The following IDE variants were observed in gnomAD, a reference collection of about 807,000 sequenced individuals.
IDE encodes the protein insulin degrading enzyme.
In IDE, 58 loss-of-function variants were observed where a neutral mutation model predicts 133.2. The observed-to-expected ratio is 0.44, with a 90% confidence interval of 0.35 to 0.54. The LOEUF is 0.54. Ranked by LOEUF, IDE falls within the 20% of genes least tolerant of loss-of-function variation. IDE has a pLI of 0.00. For synonymous variants in IDE, 396 were observed against 421.3 expected (o/e 0.94, Z 0.73); for missense variants, 981 against 1,234.0 (o/e 0.79, Z 3.07).
chr10:92,515,038 G>A lies in IDE; in HGVS notation c.666C>T (p.Asn222=). Reference sequence around the variant, plus strand: ...TTGGTCTAGTCTCCAGAGTATATTTGTTACCTGGAAGGGAAGAAAAGGGAT... The same window carrying A: ...TTGGTCTAGTCTCCAGAGTATATTTATTACCTGGAAGGGAAGAAAAGGGAT... ...KHPFSKFGTG[N]KYTLETRPNQ... The change falls in exon 5 of 25, where the codon AAC becomes AAT. Residue 222 remains asparagine, a synonymous_variant. Coordinates refer to ENST00000265986, the MANE Select transcript of IDE (RefSeq NM_004969.4). 6.3e-7 allele frequency: 1 copy of A among 1,590,198 alleles called. No homozygotes were observed. The highest frequency in any genetic ancestry group is 8.5e-7 in the Non-Finnish European group (1 of 1,170,142).
At chr10:92,560,899 C>T (rs371288274) in intron 1 of IDE, among the ~76,000 whole-genome samples, 18 of 152,282 alleles carry the variant, frequency 1.2e-4, no homozygotes, top group African/African-American at 4.3e-4. Context: ...CTCTTCCACA[C>T]CCACCACCTT....
chr10:92,465,052 G>C (rs890402775), intron 20 of IDE, among the ~76,000 whole-genome samples: 2 of 152,136 alleles, frequency 1.3e-5, no homozygotes, highest in Non-Finnish European at 2.9e-5. Context: ...ATTTGACTGT[G>C]AGCTCCTCGA....
At chr10:92,480,814 G>A (rs2135415473) in intron 14 of IDE, 3 of 277,766 alleles carry the variant, frequency 1.1e-5, no homozygotes, top group East Asian at 1.7e-4. Flanking sequence ...GGCTGGTCTC[G>A]AACTCCTAGG....
chr10:92,469,164 T>C (rs769246853), intron 18 of IDE, among the ~76,000 whole-genome samples, 174 bp from the exon 19 acceptor site: 1 of 152,148 alleles, frequency 6.6e-6, no homozygotes, highest in African/African-American at 2.4e-5. Context: ...ATAGAGTCAA[T>C]ATGGTAGTGG....
intron 11 of IDE, among the ~76,000 whole-genome samples, chr10:92,492,039 T>A (rs1752245081): frequency 6.6e-6 from 1 of 151,880 alleles, no homozygotes. Flanking sequence ...GGCGGGAAGA[T>A]CACGAGGTCA....
intron 21 of IDE, among the ~76,000 whole-genome samples, chr10:92,462,512 G>C (rs1845447887): frequency 6.6e-6 from 1 of 152,120 alleles, no homozygotes. Flanking sequence ...GGGAGGCTGA[G>C]GCAGAATTGC....
chr10:92,504,970 C>T, intron 10 of IDE, 73 bp from the exon 11 acceptor site: 1 of 718,138 alleles, frequency 1.4e-6, no homozygotes, highest in Non-Finnish European at 2.3e-6. Flanking sequence ...AGATCTGTAA[C>T]ACATTAAATT....
Position 92,562,450 on chromosome 10 carries a change from G to A in IDE, c.98+11472C>T, listed in dbSNP as rs537261497. 1.5e-4 allele frequency among the ~76,000 whole-genome samples: 23 copies of A among 152,330 alleles called. 1 individual carries two copies. Among genetic ancestry groups the A allele is most frequent in the Admixed American group, 1.4e-3 (21 of 15,298 alleles). The stretch of plus-strand genomic sequence containing the variant: ...CAAACTAACCAATTCAAGATAAAAA[G>A]AATAACCAAGTGTCAAGTCAGAGTG... On this transcript the variant is annotated intron_variant, in intron 1 of 24. Coordinates refer to ENST00000265986, the MANE Select transcript of IDE (RefSeq NM_004969.4).
intron 1 of IDE, among the ~76,000 whole-genome samples, chr10:92,563,413 T>C (rs767213332): frequency 8.0e-5 from 12 of 150,882 alleles, no homozygotes; most frequent in Admixed American, 6.6e-5. Flanking sequence ...GATTGCACCA[T>C]TGCACTCCAG....
chr10:92,515,140 A>T (rs1589454071), intron 4 of IDE, 98 bp from the exon 5 acceptor site: 2 of 958,910 alleles, frequency 2.1e-6, no homozygotes, highest in Non-Finnish European at 3.2e-6. Flanking sequence ...GAACTTTAAA[A>T]ATAAAGTTCT....
At position 92,474,832 on chromosome 10, in the gene IDE, A is replaced by C. The variant is rs374768926; in HGVS notation, c.2116+9T>G. ...AAGAAAGCATTAAGCTTTAAGTAGA[A>C]AGTCTCACCATCCAGAGCTTCTTTT... On this transcript the variant is annotated intron_variant, in intron 17 of 24. Transcript: ENST00000265986. 5.0e-6 allele frequency: 8 copies of C among 1,600,354 alleles called. No individual in the cohort carries two copies. In the African/African-American group the frequency reaches 1.1e-4, roughly 22 times the overall value.
chr10:92,458,507 T>C, intron 22 of IDE, among the ~76,000 whole-genome samples: 1 of 111,456 alleles, frequency 9.0e-6, no homozygotes, highest in Non-Finnish European at 2.0e-5. Context: ...TTTTTTTTTT[T>C]TTTTTTTTTT....
At chr10:92,466,363 C>T (rs1845687551) in intron 19 of IDE, among the ~76,000 whole-genome samples, 1 of 151,926 alleles carries the variant, frequency 6.6e-6, no homozygotes, top group African/African-American at 2.4e-5. Flanking sequence ...GTCACCCAGG[C>T]TGGAGTGAAG....
chr10:92,507,546 TAAG>T (rs780574539), intron 9 of IDE, 26 bp downstream of exon 9: 7 of 1,156,416 alleles, frequency 6.1e-6, no homozygotes, highest in Non-Finnish European at 9.2e-6. Context: ...ACAGATTCCT[TAAG>T]AAAAATTTTG....
intron 13 of IDE, among the ~76,000 whole-genome samples, chr10:92,485,587 C>T (rs1846941521): frequency 6.6e-6 from 1 of 152,162 alleles, no homozygotes; most frequent in Admixed American, 6.5e-5. Context: ...CCTTGAAACT[C>T]TGGGAAGAGA....
chr10:92,538,228 G>A (rs933948892), intron 1 of IDE, among the ~76,000 whole-genome samples: 1 of 152,146 alleles, frequency 6.6e-6, no homozygotes, highest in Non-Finnish European at 1.5e-5. Context: ...GAATAAGTGA[G>A]GTGAGATGTT....
At chr10:92,556,105 A>G (rs1269871547) in intron 1 of IDE, among the ~76,000 whole-genome samples, 8 of 140,958 alleles carry the variant, frequency 5.7e-5, no homozygotes, top group East Asian at 2.5e-4. Flanking sequence ...CCCGGGAAGC[A>G]GAGCTTGCAG....
intron 14 of IDE, among the ~76,000 whole-genome samples, chr10:92,482,087 A>G (rs1185611595): frequency 6.6e-6 from 1 of 152,214 alleles, no homozygotes; most frequent in East Asian, 1.9e-4. Flanking sequence ...TATAATCACT[A>G]TAATCTCAAC....
In IDE at chr10:92,508,906, C is replaced by T; in HGVS notation, c.898-16G>A. On this transcript the variant is annotated splice_polypyrimidine_tract_variant and intron_variant, in intron 6 of 24. Transcript: ENST00000265986. ...TGTAAAGTTGCTGGAGAAAACAAAT[C>T]ACAGAGATTAGCTATATACGACTCC... 6.3e-7 allele frequency: 1 copy of T among 1,598,842 alleles called. No individual in the cohort carries two copies. Among genetic ancestry groups the T allele is most frequent in the Non-Finnish European group, 8.6e-7 (1 of 1,166,492 alleles).
Sources: allele counts gnomAD v4.1 joint callset (sites outside exome capture counted in the v4.1 genomes callset), GRCh38; gene constraint gnomAD v4.1.1; transcripts MANE v1.5; gene names NCBI Gene and HGNC (gene_info 2026-07-23, HGNC 2026-07-21).